GRIK2: variants seen among roughly 807,000 people sequenced by gnomAD.
The protein encoded by GRIK2 is glutamate receptor ionotropic, kainate 2.
In GRIK2, 32 loss-of-function variants were observed where a neutral mutation model predicts 100.3. The ratio of observed to expected loss-of-function variants is 0.32; its 90% CI spans 0.24 to 0.43. The LOEUF (loss-of-function observed/expected upper bound fraction) is 0.43, where lower values mean the gene tolerates loss of function less well. Among genes scored for constraint, GRIK2 ranks in the 20% least tolerant of loss-of-function variants. The probability of loss-of-function intolerance (pLI) is 1.00; values close to 1 mark genes in which losing one functional copy is unlikely to be tolerated. For missense variants in GRIK2, 843 were observed against 1,114.9 expected, an observed-to-expected ratio of 0.76 and a Z score of 3.47; for synonymous variants, 417 against 389.4, an observed-to-expected ratio of 1.07 and a Z score of -0.83.
intron 1 of GRIK2, among the ~76,000 whole-genome samples, chr6:101,394,470 C>T (rs994896135): frequency 6.6e-6 from 1 of 152,102 alleles, no homozygotes; most frequent in Non-Finnish European, 1.5e-5. Context: ...ACAACACGAC[C>T]GAGCTGAGGC....
intron 2 of GRIK2, among the ~76,000 whole-genome samples, chr6:101,462,055 C>T (rs79075114): frequency 6.6e-6 from 1 of 152,056 alleles, no homozygotes; most frequent in Non-Finnish European, 1.5e-5. Flanking sequence ...ATTTATGTAA[C>T]CTATCTGTGC....
Position 101,436,943 on chromosome 6 carries a change from T to C in GRIK2, c.115+37551T>C, listed in dbSNP as rs192495589. On this transcript the variant is annotated intron_variant, in intron 2 of 16. Transcript: ENST00000369134. Reference sequence around the variant, plus strand: ...GATTAAAATGGCTCAAATCATCATATTTAAAGTAGAGATCTTGATCTAGTT... The same window carrying C: ...GATTAAAATGGCTCAAATCATCATACTTAAAGTAGAGATCTTGATCTAGTT... 1.4e-3 allele frequency among the ~76,000 whole-genome samples: 211 copies of C among 151,440 alleles called. 2 individuals carry two copies. The highest frequency in any genetic ancestry group is 3.9e-3 in the African/African-American group (161 of 41,438).
chr6:101,640,649 T>C (rs1418957690), intron 4 of GRIK2, among the ~76,000 whole-genome samples: 3 of 152,174 alleles, frequency 2.0e-5, no homozygotes, highest in Admixed American at 2.0e-4. Flanking sequence ...TGAATTTCCA[T>C]GTGTATTAAA....
At chr6:101,557,806 C>T (rs1776818513) in intron 2 of GRIK2, among the ~76,000 whole-genome samples, 1 of 152,150 alleles carries the variant, frequency 6.6e-6, no homozygotes, top group Non-Finnish European at 1.5e-5. Flanking sequence ...CATTTAGCAC[C>T]AATGCCTTCT....
intron 14 of GRIK2, among the ~76,000 whole-genome samples, chr6:101,949,723 A>T (rs1301938869): frequency 1.3e-5 from 2 of 152,132 alleles, no homozygotes; most frequent in African/African-American, 4.8e-5. Flanking sequence ...CATGGTGTAT[A>T]TGTGCCACAT....
At chr6:101,707,550 A>G (rs1465784038) in intron 7 of GRIK2, among the ~76,000 whole-genome samples, 2 of 124,702 alleles carry the variant, frequency 1.6e-5, no homozygotes, top group Admixed American at 8.6e-5. Flanking sequence ...ATATGTATAT[A>G]TGTGTATATA....
In GRIK2 at chr6:101,558,455, C is replaced by T. The variant is rs374423425; in HGVS notation, c.116-63494C>T. Among the ~76,000 whole-genome samples, 30 of 152,056 alleles carry T rather than the reference C, an allele frequency of 2.0e-4. No homozygotes were observed. In the East Asian group the frequency reaches 4.1e-3, roughly 21 times the overall value. The stretch of plus-strand genomic sequence containing the variant: ...AGGAAGTGGTATTTGAAAGAATTAG[C>T]GGAGAGTGAGAACTCTAGGTATATT... On this transcript the variant is annotated intron_variant, in intron 2 of 16. Transcript: ENST00000369134.
At chr6:101,483,644 G>A (rs190259570) in intron 2 of GRIK2, among the ~76,000 whole-genome samples, 1 of 152,130 alleles carries the variant, frequency 6.6e-6, no homozygotes, top group East Asian at 1.9e-4. Flanking sequence ...GCACGATCTG[G>A]GCTCACTGCA....
chr6:101,420,323 C>T (rs1362973039), intron 2 of GRIK2, among the ~76,000 whole-genome samples: 1 of 152,032 alleles, frequency 6.6e-6, no homozygotes, highest in African/African-American at 2.4e-5. Flanking sequence ...CAGGAGTAAG[C>T]TCAAGAAAGA....
At chr6:101,737,295 A>T (rs1376549658) in intron 7 of GRIK2, among the ~76,000 whole-genome samples, 1 of 152,150 alleles carries the variant, frequency 6.6e-6, no homozygotes, top group Non-Finnish European at 1.5e-5. Flanking sequence ...TACTAGTTCC[A>T]ATTTACAGTA....
chr6:101,981,355 C>T (rs1793704152), intron 14 of GRIK2, among the ~76,000 whole-genome samples: 1 of 151,730 alleles, frequency 6.6e-6, no homozygotes, highest in Non-Finnish European at 1.5e-5. Flanking sequence ...CTGGGATAAA[C>T]CAGCTGAGAT....
At chr6:101,671,937 G>A (rs763780284) in intron 4 of GRIK2, among the ~76,000 whole-genome samples, 3 of 152,138 alleles carry the variant, frequency 2.0e-5, no homozygotes, top group Non-Finnish European at 4.4e-5. Flanking sequence ...GGGTACAGGT[G>A]TCTGTGGAGC....
intron 14 of GRIK2, among the ~76,000 whole-genome samples, chr6:102,022,992 G>C (rs1027649042): frequency 6.6e-6 from 1 of 151,508 alleles, no homozygotes; most frequent in African/African-American, 2.4e-5. Flanking sequence ...AGATTGAAAA[G>C]GACAGTGGTG....
chr6:101,765,023 G>C (rs772880103), intron 7 of GRIK2, among the ~76,000 whole-genome samples: 1 of 152,010 alleles, frequency 6.6e-6, no homozygotes, highest in Non-Finnish European at 1.5e-5. Flanking sequence ...ACATTTTTCA[G>C]CTTCTCAACA....
intron 7 of GRIK2, among the ~76,000 whole-genome samples, chr6:101,696,204 CT>C (rs1387426725): frequency 1.3e-5 from 2 of 151,718 alleles, no homozygotes; most frequent in Non-Finnish European, 2.9e-5. Flanking sequence ...CACATTGCAG[CT>C]TTTTTTAGTC....
intron 14 of GRIK2, among the ~76,000 whole-genome samples, chr6:101,974,375 A>G (rs1048037339): frequency 6.6e-6 from 1 of 152,000 alleles, no homozygotes; most frequent in Non-Finnish European, 1.5e-5. Flanking sequence ...TAGAGAAGAT[A>G]AATGTTAAGA....
chr6:101,626,495 C>A lies in GRIK2; in HGVS notation c.399C>A (p.Arg133=), dbSNP rs367843830. The change falls in exon 4 of 17, where the codon CGC becomes CGA. Residue 133 remains arginine, a synonymous_variant. Transcript: ENST00000369134. The part of the protein sequence containing the change: ...NALGVPHIQT[R]WKHQVSDNKD... ...TGGGAGTTCCCCACATACAGACCCG[C>A]TGGAAGCACCAGGTGTCAGACAACA... 119 of 1,613,856 alleles carry A rather than the reference C, an allele frequency of 7.4e-5. No homozygotes were observed. Among genetic ancestry groups the A allele is most frequent in the Non-Finnish European group, 9.7e-5 (114 of 1,179,934 alleles).
At position 101,546,978 on chromosome 6, in the gene GRIK2, C is replaced by T. The variant is rs568193525; in HGVS notation, c.116-74971C>T. On this transcript the variant is annotated intron_variant, in intron 2 of 16. Transcript: ENST00000369134. ...CCCAAGTAGCTGGGACTACAGGCGC[C>T]CGCCACTACGCCCAGCTAATTTTTT... Among the ~76,000 whole-genome samples the T allele has an allele frequency of 9.3e-5, 14 of 149,760 alleles. No individual in the cohort carries two copies. The East Asian group carries it at 2.5e-3, about 27-fold the overall frequency.
intron 14 of GRIK2, among the ~76,000 whole-genome samples, chr6:101,945,159 G>C (rs560306521): frequency 9.0e-4 from 137 of 152,110 alleles, no homozygotes; most frequent in Non-Finnish European, 1.3e-3. Context: ...TATGGAACTA[G>C]TATTTTAACT....
Sources: gnomAD v4.1 joint callset for allele counts (sites outside exome capture counted in the v4.1 genomes callset) on GRCh38, gnomAD v4.1.1 for gene constraint, MANE v1.5 for transcripts, NCBI Gene and HGNC (gene_info 2026-07-23, HGNC 2026-07-21) for gene names.